ZNF438: variants seen among roughly 807,000 people sequenced by gnomAD.
ZNF438 encodes the protein zinc finger protein 438.
Under a neutral mutation model 38.0 loss-of-function variants are expected in ZNF438, and 25 were observed. The observed-to-expected ratio is 0.66, with a 90% CI of 0.48 to 0.92. ZNF438 has a LOEUF of 0.92. Among genes scored for constraint, ZNF438 ranks in the 40% least tolerant of loss-of-function variants. The pLI is 0.00. For synonymous variants in ZNF438, 372 were observed against 364.1 expected (o/e 1.02, Z -0.25); for missense variants, 1,007 against 999.6 (o/e 1.01, Z -0.10).
intron 1 of ZNF438, among the ~76,000 whole-genome samples, chr10:30,956,801 G>A (rs1385935776): frequency 1.3e-5 from 2 of 152,034 alleles, no homozygotes; most frequent in African/African-American, 4.8e-5. Context: ...TAAACACTTA[G>A]GTTGATTCCA....
exon 1 of ZNF438, chr10:31,031,898 G>A (rs1197852156): frequency 2.0e-5 from 3 of 152,172 alleles, no homozygotes; most frequent in African/African-American, 7.3e-5. Context: ...GGGAGGTCAA[G>A]CCACGGGGCG....
intron 1 of ZNF438, among the ~76,000 whole-genome samples, chr10:30,978,854 GC>G (rs1439866203): frequency 6.6e-6 from 1 of 152,180 alleles, no homozygotes; most frequent in Non-Finnish European, 1.5e-5. Flanking sequence ...AGCTGCATTA[GC>G]CCCTAGCAAG....
chr10:30,890,421 C>T (rs1189265216), intron 3 of ZNF438, among the ~76,000 whole-genome samples: 1 of 152,178 alleles, frequency 6.6e-6, no homozygotes. Context: ...TCCCAGGTTC[C>T]AGGGTGAAAT....
chr10:30,857,530 C>G (rs1383226823), intron 4 of ZNF438: 2 of 522,288 alleles, frequency 3.8e-6, no homozygotes, highest in Middle Eastern at 4.4e-4. Flanking sequence ...GTTGGGATTA[C>G]AGGTATGAGC....
intron 1 of ZNF438, among the ~76,000 whole-genome samples, chr10:30,989,940 A>C (rs2053289387): frequency 6.6e-6 from 1 of 152,208 alleles, no homozygotes; most frequent in Admixed American, 6.5e-5. Flanking sequence ...AAGGGCTGAG[A>C]GAAAACATGA....
intron 3 of ZNF438, among the ~76,000 whole-genome samples, chr10:30,900,080 T>A (rs1003065114): frequency 6.6e-6 from 1 of 152,150 alleles, no homozygotes; most frequent in Non-Finnish European, 1.5e-5. Context: ...ACCATCTGTG[T>A]CATAACTACT....
At position 31,031,211 on chromosome 10, in the gene ZNF438, C is replaced by A. The variant is rs377209122; in HGVS notation, c.-192+622G>T. On this transcript the variant is annotated intron_variant, in intron 1 of 5. Coordinates refer to ENST00000413025, the Ensembl canonical transcript of ZNF438. Reference sequence around the variant, plus strand: ...GTGGCTACCACATTCCTCAGAATAACCAAGTGTCTGTGTATAAGCTTTCTC... The same window carrying A: ...GTGGCTACCACATTCCTCAGAATAAACAAGTGTCTGTGTATAAGCTTTCTC... 3.3e-5 allele frequency among the ~76,000 whole-genome samples: 5 copies of A among 152,348 alleles called. No homozygotes were observed. The East Asian group carries it at 9.6e-4, about 29-fold the overall frequency.
At chr10:30,964,595 A>G (rs1158387834) in intron 1 of ZNF438, among the ~76,000 whole-genome samples, 1 of 152,186 alleles carries the variant, frequency 6.6e-6, no homozygotes. Flanking sequence ...GGAAAATATA[A>G]GTGTTCAGGA....
At chr10:30,852,117 C>A (rs189654088) in intron 4 of ZNF438, among the ~76,000 whole-genome samples, 1 of 151,048 alleles carries the variant, frequency 6.6e-6, no homozygotes, top group Non-Finnish European at 1.5e-5. Flanking sequence ...GAGCCGAGAT[C>A]GCACCACTAT....
chr10:30,902,193 T>A (rs1439891583), intron 3 of ZNF438, among the ~76,000 whole-genome samples: 5 of 152,168 alleles, frequency 3.3e-5, no homozygotes, highest in Non-Finnish European at 5.9e-5. Flanking sequence ...CCCACCTAAA[T>A]CCTGCTGATT....
At chr10:30,849,045 T>C (rs749950693) in exon 5 of ZNF438, 32 of 1,614,162 alleles carry the variant, frequency 2.0e-5, no homozygotes, top group Non-Finnish European at 2.6e-5. Flanking sequence ...TGTAGTGTAG[T>C]TGGAGAAGCC....
At chr10:31,017,707 G>A (rs1234290947) in intron 1 of ZNF438, among the ~76,000 whole-genome samples, 3 of 152,198 alleles carry the variant, frequency 2.0e-5, no homozygotes, top group Non-Finnish European at 4.4e-5. Context: ...CACATCAGGA[G>A]GATTATACCA....
At chr10:30,862,478 C>T (rs2035753886) in intron 4 of ZNF438, among the ~76,000 whole-genome samples, 1 of 151,984 alleles carries the variant, frequency 6.6e-6, no homozygotes, top group African/African-American at 2.4e-5. Flanking sequence ...AGTTTTTAAA[C>T]ATTTTTTTGT....
At chr10:30,855,470 T>C (rs896570505) in intron 4 of ZNF438, among the ~76,000 whole-genome samples, 7 of 152,336 alleles carry the variant, frequency 4.6e-5, no homozygotes, top group Middle Eastern at 6.8e-3. Flanking sequence ...TACTTATGCT[T>C]GTCTGGATCT....
chr10:30,959,702 C>G (rs557959700), intron 1 of ZNF438, among the ~76,000 whole-genome samples: 1 of 146,012 alleles, frequency 6.8e-6, no homozygotes, highest in African/African-American at 2.4e-5. Flanking sequence ...GAGCCGAGAT[C>G]GCACCACTGC....
rs182933840 is a variant in ZNF438 at position 30,977,759 on chromosome 10, C to T, written c.-191-36108G>A. Among the ~76,000 whole-genome samples, 376 of 151,980 alleles carry T rather than the reference C, an allele frequency of 2.5e-3. 1 individual carries two copies. The highest frequency in any genetic ancestry group is 8.5e-3 in the African/African-American group (352 of 41,432). On this transcript the variant is annotated intron_variant, in intron 1 of 5. Coordinates refer to ENST00000413025, the Ensembl canonical transcript of ZNF438. ...CAACACTTTGGGAGGCCGAGGCTAG[C>T]GGATCGCAAGGTCAGGAGTTCGAGA...
intron 4 of ZNF438, chr10:30,875,573 G>A: frequency 1.0e-6 from 1 of 985,452 alleles, no homozygotes; most frequent in Non-Finnish European, 1.2e-6. Flanking sequence ...CAGCTACCAA[G>A]TGCTGCACAA....
At chr10:30,962,974 G>T (rs1248748838) in intron 1 of ZNF438, among the ~76,000 whole-genome samples, 1 of 152,094 alleles carries the variant, frequency 6.6e-6, no homozygotes, top group African/African-American at 2.4e-5. Flanking sequence ...TAATGGGTTT[G>T]CTTTTAATAA....
At chr10:30,984,507 CAA>C (rs1288127880) in intron 1 of ZNF438, 81 bp from the exon 2 acceptor site, 1 of 151,988 alleles carries the variant, frequency 6.6e-6, no homozygotes, top group Admixed American at 6.6e-5. Context: ...GCCTTCTTTT[CAA>C]GTTTCATTTT....
Sources: allele counts gnomAD v4.1 joint callset (sites outside exome capture counted in the v4.1 genomes callset), GRCh38; gene constraint gnomAD v4.1.1; transcripts MANE v1.5; gene names NCBI Gene and HGNC (gene_info 2026-07-23, HGNC 2026-07-21).